Variants in CNOT1 observed in about 807,000 individuals in gnomAD.
CNOT1 encodes the protein CCR4-associated factor 1.
Under a neutral mutation model 273.8 loss-of-function variants are expected in CNOT1, and 15 were observed. The observed-to-expected ratio is 0.05, with a 90% CI of 0.04 to 0.08. The LOEUF is 0.08. Among genes scored for constraint, CNOT1 ranks in the 10% least tolerant of loss-of-function variants. The pLI is 1.00. For synonymous variants in CNOT1, 1,022 were observed against 1,005.5 expected, an observed-to-expected ratio of 1.02 and a Z score of -0.31; for missense variants, 1,644 against 2,912.2, an observed-to-expected ratio of 0.56 and a Z score of 10.02.
chr16:58,547,025 A>G lies in CNOT1; in HGVS notation c.3750+161T>C, dbSNP rs1355241530. Reference sequence around the variant, plus strand: ...AAAGCCAACCATTATAATCTTTCTTATTTCACCCAGCCTCTCAAATTGGAA... The same window carrying G: ...AAAGCCAACCATTATAATCTTTCTTGTTTCACCCAGCCTCTCAAATTGGAA... On this transcript the variant is annotated intron_variant, in intron 27 of 48. Coordinates refer to ENST00000317147, the MANE Select transcript of CNOT1 (RefSeq NM_016284.5). The surrounding 1 kb of genome is among the most constrained non-coding windows in gnomAD (Gnocchi z 4.0). Among the ~76,000 whole-genome samples, 4 of 152,172 alleles carry G rather than the reference A, an allele frequency of 2.6e-5. No homozygotes were observed. Among genetic ancestry groups the G allele is most frequent in the African/African-American group, 9.7e-5 (4 of 41,442 alleles).
intron 30 of CNOT1, 97 bp from the exon 31 acceptor site, chr16:58,544,000 A>C: frequency 6.9e-7 from 1 of 1,454,490 alleles, no homozygotes; most frequent in Non-Finnish European, 9.0e-7. Flanking sequence ...ATCAAGATTA[A>C]CCAAAAACTA....
chr16:58,621,963 A>G (rs1053910307), intron 1 of CNOT1, among the ~76,000 whole-genome samples: 1 of 149,076 alleles, frequency 6.7e-6, no homozygotes, highest in Non-Finnish European at 1.5e-5. Flanking sequence ...GTGAATTCTA[A>G]TGTAAACCAG....
Position 58,615,290 on chromosome 16 carries a change from T to C in CNOT1, c.-175+14438A>G, listed in dbSNP as rs1033971741. Among the ~76,000 whole-genome samples, 10 of 125,768 alleles carry C rather than the reference T, an allele frequency of 8.0e-5. 4 individuals carry two copies. The highest frequency in any genetic ancestry group is 1.9e-4 in the Non-Finnish European group (10 of 52,758). The allele number at this position is 125,768 out of a possible 152,430, so 82.5% of individuals were successfully genotyped here. ...CAGGGAGATGCAGAGATGGGCTAGA[T>C]GCTCACCAAACTGCTTCCTCTTCCC... On this transcript the variant is annotated intron_variant, in intron 1 of 48. Coordinates refer to ENST00000317147, the MANE Select transcript of CNOT1 (RefSeq NM_016284.5).
At chr16:58,567,011 A>C (rs1369819018) in intron 16 of CNOT1, among the ~76,000 whole-genome samples, 2 of 152,112 alleles carry the variant, frequency 1.3e-5, no homozygotes, top group Admixed American at 1.3e-4. Context: ...CCATCAGGCC[A>C]AGCATGGTGG....
intron 42 of CNOT1, 112 bp from the exon 43 acceptor site, chr16:58,530,459 G>A (rs2039742629): frequency 3.1e-6 from 2 of 655,624 alleles, no homozygotes; most frequent in East Asian, 5.5e-5. Flanking sequence ...TATAAGTAGA[G>A]AATACTAATG....
rs998067604 is a variant in CNOT1, at chr16:58,551,770, C to A, written c.3020G>T (p.Gly1007Val). ...QSRDPPVKMQ[G>V]SITTPGSIAL... ...AATACTTCCAGGGGTTGTGATAGAGCCTTGCATTTTCACAGGAGGATCTCT... is the reference window on the plus strand; with the variant it reads ...AATACTTCCAGGGGTTGTGATAGAGACTTGCATTTTCACAGGAGGATCTCT... Residue 1007 changes from glycine to valine, a missense_variant, in exon 23 of 49, where the codon GGC becomes GTC. Coordinates refer to ENST00000317147, the MANE Select transcript of CNOT1 (RefSeq NM_016284.5). 1 of 1,614,152 alleles carries A rather than the reference C, an allele frequency of 6.2e-7. No individual in the cohort carries two copies. Among genetic ancestry groups the A allele is most frequent in the Non-Finnish European group, 8.5e-7 (1 of 1,180,028 alleles).
At chr16:58,621,430 C>T (rs145747734) in intron 1 of CNOT1, among the ~76,000 whole-genome samples, 2 of 151,954 alleles carry the variant, frequency 1.3e-5, no homozygotes, top group African/African-American at 4.8e-5. Flanking sequence ...CGCGCCACCA[C>T]GCCCAACTAA....
rs766164066 is a variant in CNOT1 at position 58,560,300 on chromosome 16, A to G, written c.2042T>C (p.Met681Thr). The change falls in exon 17 of 49, where the codon ATG becomes ACG. Residue 681 changes from methionine to threonine, a missense_variant. Met to Thr is a moderately conservative substitution (Grantham distance 81). Coordinates refer to ENST00000317147, the MANE Select transcript of CNOT1 (RefSeq NM_016284.5). ...LTMVANCSNV[M>T]NKARQPPPGV... is the part of the protein sequence containing the mutation. ...AGGTGGTGGTTGTCTGGCCTTATTCATAACATTACTGCAATTGGCTACCAT... is the reference window on the plus strand; with the variant it reads ...AGGTGGTGGTTGTCTGGCCTTATTCGTAACATTACTGCAATTGGCTACCAT... The G allele has an allele frequency of 1.9e-6, 3 of 1,614,080 alleles. No individual in the cohort carries two copies. Among genetic ancestry groups the G allele is most frequent in the Admixed American group, 1.7e-5 (1 of 60,008 alleles).
chr16:58,622,007 T>A (rs2043346473), intron 1 of CNOT1, among the ~76,000 whole-genome samples: 1 of 146,814 alleles, frequency 6.8e-6, no homozygotes, highest in African/African-American at 2.5e-5. Flanking sequence ...TCAGCGTAGA[T>A]TCATCAATTG....
At chr16:58,602,320 C>T (rs1164226514) in intron 1 of CNOT1, among the ~76,000 whole-genome samples, 1 of 152,040 alleles carries the variant, frequency 6.6e-6, no homozygotes, top group Non-Finnish European at 1.5e-5. Context: ...ATCCACCCAC[C>T]TCAGCCTCCC....
chr16:58,614,110 AAG>A, intron 1 of CNOT1, among the ~76,000 whole-genome samples: 1 of 121,168 alleles, frequency 8.3e-6, no homozygotes, highest in African/African-American at 2.8e-5. Flanking sequence ...AAAAAAAGAA[AAG>A]AAAATTACTC....
chr16:58,554,309 TATCAGAGATTGGAA>T (rs1334325813), intron 21 of CNOT1, among the ~76,000 whole-genome samples: 1 of 152,066 alleles, frequency 6.6e-6, no homozygotes, highest in Non-Finnish European at 1.5e-5. Flanking sequence ...CTTTAGAGAT[TATCAGAGATTGGAA>T]GTCAGGGAAG....
chr16:58,546,968 C>G (rs1360034199), intron 27 of CNOT1, among the ~76,000 whole-genome samples: 7 of 152,130 alleles, frequency 4.6e-5, no homozygotes, highest in Admixed American at 1.3e-4. Context: ...TATCACATTT[C>G]AAAAACAAAA....
intron 1 of CNOT1, among the ~76,000 whole-genome samples, chr16:58,605,568 A>G (rs1478175930): frequency 6.6e-6 from 1 of 152,230 alleles, no homozygotes; most frequent in African/African-American, 2.4e-5. Flanking sequence ...ACTTGTCATT[A>G]TCATGCCACT....
rs757079303 is a variant in CNOT1 at position 58,538,927 on chromosome 16, G to A, written c.4993-13C>T. On this transcript the variant is annotated splice_polypyrimidine_tract_variant and intron_variant, in intron 35 of 48. Transcript: ENST00000317147. ...AGCCCTCTACAGCCTATGGGAGAAA[G>A]AAAGCGTTCAAAACCATGAAAAATA... 39 of 1,608,246 alleles carry A rather than the reference G, an allele frequency of 2.4e-5. No homozygotes were observed. The highest frequency in any genetic ancestry group is 3.3e-5 in the Non-Finnish European group (39 of 1,178,176).
chr16:58,549,294 T>C (rs902919498), intron 25 of CNOT1, among the ~76,000 whole-genome samples: 4 of 49,248 alleles, frequency 8.1e-5, no homozygotes, highest in Non-Finnish European at 1.6e-4. Context: ...CTCAAAAAAA[T>C]TGAAAAAAAA....
intron 16 of CNOT1, among the ~76,000 whole-genome samples, chr16:58,570,244 G>A (rs1056885678): frequency 6.6e-6 from 1 of 152,138 alleles, no homozygotes; most frequent in Non-Finnish European, 1.5e-5. Context: ...AAGAATCCTG[G>A]CTGAAATGAA....
Position 58,583,201 on chromosome 16 carries a change from T to C in CNOT1, c.807-19A>G. 1 of 1,610,128 alleles carries C rather than the reference T, an allele frequency of 6.2e-7. No homozygotes were observed. The highest frequency in any genetic ancestry group is 8.5e-7 in the Non-Finnish European group (1 of 1,178,092). On this transcript the variant is annotated intron_variant, in intron 8 of 48. Transcript: ENST00000317147. ...TTCAATACTGAAACAGAAATATAAC[T>C]TCAGAAAAATGCTACCAGCCTCAAC...
chr16:58,573,998 C>T (rs952416252), intron 16 of CNOT1, among the ~76,000 whole-genome samples: 2 of 152,032 alleles, frequency 1.3e-5, no homozygotes, highest in Admixed American at 1.3e-4. Context: ...CACCTGTAAT[C>T]CCAGCACTTT....
Sources: gnomAD v4.1 joint callset for allele counts (sites outside exome capture counted in the v4.1 genomes callset) on GRCh38, gnomAD v4.1.1 for gene constraint, Gnocchi (gnomAD v3.1) non-coding constraint, MANE v1.5 for transcripts, NCBI Gene and HGNC (gene_info 2026-07-23, HGNC 2026-07-21) for gene names.